The following BRSK2 variants were observed in gnomAD, a reference collection of about 807,000 sequenced individuals.
The protein encoded by BRSK2 is BR serine/threonine kinase 2.
A neutral mutation model predicts 83.3 loss-of-function variants in BRSK2; 19 were observed. That is an observed-to-expected ratio of 0.23 (90% CI 0.16 to 0.33). The LOEUF is 0.33. BRSK2 is among the 10% of genes least tolerant of loss of function. BRSK2 has a pLI of 1.00. For missense variants in BRSK2, 798 were observed against 1,042.3 expected, an observed-to-expected ratio of 0.77 and a Z score of 3.23; for synonymous variants, 519 against 435.4, an observed-to-expected ratio of 1.19 and a Z score of -2.39.
At position 1,423,414 on chromosome 11, in the gene BRSK2, G is replaced by C. The variant is rs757017935; in HGVS notation, c.92-12626G>C. On this transcript the variant is annotated intron_variant, in intron 1 of 19. Transcript: ENST00000528841. This position sits in a 1 kb window ranked among gnomAD's most constrained non-coding sequence, Gnocchi z 6.5. ...ACGTGGAGAGTGTGTGTGGGGAGAA[G>C]TTCTGAGACTGTGGGAGGGGTAGGG... Among the ~76,000 whole-genome samples, 1 of 152,232 alleles carries C rather than the reference G, an allele frequency of 6.6e-6. No individual in the cohort carries two copies. Among genetic ancestry groups the C allele is most frequent in the Admixed American group, 6.5e-5 (1 of 15,294 alleles).
In BRSK2 at chr11:1,460,805, C is replaced by G; in HGVS notation, c.*82C>G. 6.8e-7 allele frequency: 1 copy of G among 1,472,624 alleles called. No homozygotes were observed. The highest frequency in any genetic ancestry group is 8.9e-7 in the Non-Finnish European group (1 of 1,121,218). The allele number at this position is 1,472,624 out of a possible 1,614,324, so 91.2% of individuals were successfully genotyped here. ...GCCCGCCCTGCCCCGAGTGGACCCG[C>G]GGCCGCGCCGCCCGTCCGTCCAGAC... On this transcript the variant is annotated 3_prime_UTR_variant, in exon 20 of 20. Coordinates refer to ENST00000528841, the MANE Select transcript of BRSK2 (RefSeq NM_001256627.2).
At position 1,457,100 on chromosome 11, in the gene BRSK2, C is replaced by T. The variant is rs181086012; in HGVS notation, c.1939+413C>T. ...CGGGGAGGGGCTGCGGGCAGGTCCT[C>T]GGCGGAGCCAGGCTGGCCCTGAGCA... On this transcript the variant is annotated intron_variant, in intron 18 of 19. Coordinates refer to ENST00000528841, the MANE Select transcript of BRSK2 (RefSeq NM_001256627.2). 1.6e-4 allele frequency: 229 copies of T among 1,469,822 alleles called. No homozygotes were observed. In the African/African-American group the frequency reaches 2.7e-3, roughly 17 times the overall value. 91.0% of individuals were successfully genotyped at this position (1,469,822 alleles called of 1,614,324 possible). A position where few individuals can be genotyped will look rare whatever the true frequency, so the allele number is the denominator to read the frequency against.
At chr11:1,404,481 C>T (rs965338650) in intron 1 of BRSK2, among the ~76,000 whole-genome samples, 2 of 152,220 alleles carry the variant, frequency 1.3e-5, no homozygotes, top group African/African-American at 2.4e-5. Context: ...TCTTCCCCTC[C>T]GTCCCTGTCC....
At chr11:1,458,009 G>T (rs375169038) in intron 18 of BRSK2, among the ~76,000 whole-genome samples, 8 of 152,316 alleles carry the variant, frequency 5.3e-5, no homozygotes, top group African/African-American at 1.7e-4. Flanking sequence ...AGGCCATGCC[G>T]TCGGCCGGCA....
chr11:1,444,438 A>C (rs1851747316), intron 8 of BRSK2, among the ~76,000 whole-genome samples: 1 of 152,088 alleles, frequency 6.6e-6, no homozygotes, highest in Non-Finnish European at 1.5e-5. Context: ...GTCAGGGTGG[A>C]GAGAAGGGGC....
At chr11:1,460,452 TCTTTTTTC>T (rs777480567) in intron 19 of BRSK2, 40 bp from the exon 20 acceptor site, 19 of 1,203,242 alleles carry the variant, frequency 1.6e-5, no homozygotes, top group African/African-American at 4.0e-5. Flanking sequence ...CCCTTTTTTT[TCTTTTTTC>T]CTTTTTTTTT....
At chr11:1,392,279 G>A (rs1246089973) in intron 1 of BRSK2, among the ~76,000 whole-genome samples, 4 of 152,212 alleles carry the variant, frequency 2.6e-5, no homozygotes, top group African/African-American at 9.7e-5. Context: ...GTGGGAGAAC[G>A]GGAGGCTGGG....
At chr11:1,402,123 C>T (rs1265480885) in intron 1 of BRSK2, among the ~76,000 whole-genome samples, 4 of 152,184 alleles carry the variant, frequency 2.6e-5, no homozygotes, top group Non-Finnish European at 1.5e-5. Context: ...TGAGGGTGCC[C>T]CTGCGTGTGG....
At chr11:1,455,383 G>A (rs1436086826) in intron 16 of BRSK2, among the ~76,000 whole-genome samples, 1 of 145,074 alleles carries the variant, frequency 6.9e-6, no homozygotes, top group African/African-American at 2.5e-5. Flanking sequence ...CACTGCCCGG[G>A]CGCCCTCCCT....
intron 10 of BRSK2, 22 bp downstream of exon 10, chr11:1,445,480 G>A: frequency 6.2e-7 from 1 of 1,610,758 alleles, no homozygotes. Flanking sequence ...GCTGCTCCCG[G>A]GTGGGGCACG....
intron 18 of BRSK2, among the ~76,000 whole-genome samples, chr11:1,457,290 C>T (rs60183871): frequency 0.012 from 1,866 of 152,304 alleles, 45 homozygotes; most frequent in African/African-American, 0.043. Flanking sequence ...GGCTGCCTGA[C>T]GGGCTGTGAC....
intron 9 of BRSK2, 135 bp downstream of exon 9, chr11:1,445,137 G>A: frequency 6.9e-7 from 1 of 1,458,826 alleles, no homozygotes; most frequent in Non-Finnish European, 9.5e-7. Flanking sequence ...GGCCTGCGCT[G>A]GGTGCGGGGT....
intron 12 of BRSK2, chr11:1,447,875 G>A (rs752442641): frequency 1.1e-5 from 18 of 1,591,758 alleles, no homozygotes; most frequent in Middle Eastern, 1.6e-4. Flanking sequence ...TATACACCCC[G>A]ACCACCCGTC....
At chr11:1,424,943 C>T (rs1283069482) in intron 1 of BRSK2, among the ~76,000 whole-genome samples, 1 of 152,230 alleles carries the variant, frequency 6.6e-6, no homozygotes, top group Non-Finnish European at 1.5e-5. Context: ...CTCCCCGCCT[C>T]CATGGGCAAA....
At chr11:1,433,627 G>A (rs1040820309) in intron 1 of BRSK2, among the ~76,000 whole-genome samples, 8 of 152,350 alleles carry the variant, frequency 5.3e-5, no homozygotes, top group East Asian at 3.9e-4. Flanking sequence ...CCCCTGCCCC[G>A]GGATGCAGGC....
intron 18 of BRSK2, chr11:1,457,011 G>C (rs1180598604): frequency 6.3e-7 from 1 of 1,596,078 alleles, no homozygotes; most frequent in South Asian, 1.1e-5. Flanking sequence ...GGGCCAGAAG[G>C]TGGCCACCAG....
intron 12 of BRSK2, 60 bp downstream of exon 12, chr11:1,445,967 C>G: frequency 6.5e-7 from 1 of 1,532,796 alleles, no homozygotes; most frequent in South Asian, 1.2e-5. Flanking sequence ...GCGGCACTGC[C>G]GCCTGGCTCA....
At chr11:1,459,045 C>T (rs968601854) in intron 18 of BRSK2, 147 bp from the exon 19 acceptor site, 3 of 659,130 alleles carry the variant, frequency 4.6e-6, no homozygotes, top group South Asian at 1.9e-5. Flanking sequence ...CTGGCTCTGG[C>T]CCCCCCAGTA....
At position 1,421,778 on chromosome 11, in the gene BRSK2, G is replaced by C. The variant is rs184620846; in HGVS notation, c.92-14262G>C. ...CAGACTGAGGAGGCCGAAGGGTCGG[G>C]GAGCAAGGGCCTGGGTGCTAATGAA... On this transcript the variant is annotated intron_variant, in intron 1 of 19. Transcript: ENST00000528841. Among the ~76,000 whole-genome samples, 1,321 of 152,240 alleles carry C rather than the reference G, an allele frequency of 8.7e-3. 32 individuals are homozygous for C. Among genetic ancestry groups the C allele is most frequent in the Admixed American group, 0.053 (808 of 15,302 alleles).
Sources: allele counts gnomAD v4.1 joint callset (sites outside exome capture counted in the v4.1 genomes callset), GRCh38; gene constraint gnomAD v4.1.1; non-coding constraint Gnocchi (gnomAD v3.1); transcripts MANE v1.5; gene names NCBI Gene and HGNC (gene_info 2026-07-23, HGNC 2026-07-21).